The following ANOS1 variants were observed in gnomAD, a reference collection of about 807,000 sequenced individuals.
The protein encoded by ANOS1 is anosmin-1.
In ANOS1, 6 loss-of-function variants were observed where a neutral mutation model predicts 59.0. That is an observed-to-expected ratio of 0.10 (90% CI 0.06 to 0.20). The LOEUF (loss-of-function observed/expected upper bound fraction) is 0.20, where lower values mean the gene tolerates loss of function less well. ANOS1 is among the 10% of genes least tolerant of loss of function. The pLI is 1.00. For missense variants in ANOS1, 433 were observed against 542.3 expected, an observed-to-expected ratio of 0.80 and a Z score of 2.00; for synonymous variants, 217 against 223.4, an observed-to-expected ratio of 0.97 and a Z score of 0.25.
intron 4 of ANOS1, among the ~76,000 whole-genome samples, chrX:8,591,777 G>A (rs1392874343): frequency 8.9e-6 from 1 of 112,260 alleles, no homozygotes; most frequent in African/African-American, 3.2e-5. Flanking sequence ...CTGCCGGGGC[G>A]CACAGTCCTC....
At chrX:8,722,178 T>C (rs1375945420) in intron 1 of ANOS1, among the ~76,000 whole-genome samples, 1 of 112,209 alleles carries the variant, frequency 8.9e-6, no homozygotes, top group Non-Finnish European at 1.9e-5. Context: ...CTGAAATAAA[T>C]GCAACTTATT....
At chrX:8,629,470 T>A (rs1329996432) in intron 2 of ANOS1, among the ~76,000 whole-genome samples, 1 of 111,560 alleles carries the variant, frequency 9.0e-6, no homozygotes, top group Non-Finnish European at 1.9e-5. Flanking sequence ...ATAAAAGATA[T>A]CTGTACACTG....
Position 8,667,855 on chromosome X carries a change from G to A in ANOS1, c.255+31843C>T, listed in dbSNP as rs747239724. On this transcript the variant is annotated intron_variant, in intron 2 of 13. Transcript: ENST00000262648. ...GCTGTGGAGGATTAGGAGAGTGGGG[G>A]AGCTGAGAGCATGAATTGTAGAGCC... is the stretch of plus-strand genomic sequence containing the variant. 7.2e-5 allele frequency among the ~76,000 whole-genome samples: 8 copies of A among 110,606 alleles called. No homozygotes were observed. The Admixed American group carries it at 7.7e-4, about 11-fold the overall frequency.
At chrX:8,593,214 T>G (rs777997853) in intron 4 of ANOS1, among the ~76,000 whole-genome samples, 1 of 111,857 alleles carries the variant, frequency 8.9e-6, no homozygotes, top group Non-Finnish European at 1.9e-5. Context: ...ACAATCTCAG[T>G]AATAAACTAC....
intron 2 of ANOS1, among the ~76,000 whole-genome samples, chrX:8,661,084 G>C (rs1020946461): frequency 4.5e-5 from 5 of 111,554 alleles, no homozygotes; most frequent in Non-Finnish European, 5.7e-5. Flanking sequence ...TGTGGGCAGG[G>C]CTGGTTCCTC....
At chrX:8,582,324 C>A (rs1305462195) in intron 6 of ANOS1, among the ~76,000 whole-genome samples, 1 of 112,318 alleles carries the variant, frequency 8.9e-6, no homozygotes, top group East Asian at 2.8e-4. Flanking sequence ...GGTGAGCCAG[C>A]CAGCCTTTCA....
At chrX:8,693,590 G>A (rs1932638331) in intron 2 of ANOS1, among the ~76,000 whole-genome samples, 1 of 110,924 alleles carries the variant, frequency 9.0e-6, no homozygotes, top group Non-Finnish European at 1.9e-5. Context: ...ATGGAAAAGA[G>A]TTAGAATTGT....
At chrX:8,631,804 C>T (rs1313274229) in intron 2 of ANOS1, among the ~76,000 whole-genome samples, 1 of 111,951 alleles carries the variant, frequency 8.9e-6, no homozygotes, top group Middle Eastern at 4.2e-3. Context: ...CAACCCTATA[C>T]AGCTTCCAGA....
chrX:8,601,747 G>T (rs1353835445), intron 3 of ANOS1, among the ~76,000 whole-genome samples: 1 of 112,353 alleles, frequency 8.9e-6, no homozygotes, highest in South Asian at 3.7e-4. Context: ...AATATTACAT[G>T]AGGTAACACA....
intron 3 of ANOS1, among the ~76,000 whole-genome samples, chrX:8,603,275 T>A (rs1189273174): frequency 8.9e-6 from 1 of 111,990 alleles, no homozygotes; most frequent in Non-Finnish European, 1.9e-5. Context: ...TTGAGGTGCA[T>A]TGGATTAAGT....
intron 13 of ANOS1, among the ~76,000 whole-genome samples, chrX:8,533,350 G>A (rs1470271973): frequency 2.7e-5 from 3 of 112,240 alleles, no homozygotes; most frequent in Non-Finnish European, 1.9e-5. Flanking sequence ...GCTCAAAGAA[G>A]TTTAAAAATT....
intron 2 of ANOS1, among the ~76,000 whole-genome samples, chrX:8,685,016 G>A (rs1220364835): frequency 1.8e-5 from 2 of 110,816 alleles, no homozygotes; most frequent in African/African-American, 6.6e-5. Context: ...TGCTTGCACA[G>A]TTCAGGGGTT....
intron 3 of ANOS1, among the ~76,000 whole-genome samples, chrX:8,612,122 T>C (rs984203050): frequency 1.8e-5 from 2 of 111,818 alleles, no homozygotes; most frequent in African/African-American, 6.5e-5. Flanking sequence ...TGAAACATAC[T>C]GTGTTCCAAA....
At chrX:8,572,141 T>G (rs912743505) in intron 6 of ANOS1, among the ~76,000 whole-genome samples, 2 of 110,588 alleles carry the variant, frequency 1.8e-5, no homozygotes, top group East Asian at 5.7e-4. Flanking sequence ...TTTTTTAAAT[T>G]AACTTTTATT....
chrX:8,708,182 C>A (rs765367081), intron 1 of ANOS1, among the ~76,000 whole-genome samples: 2 of 112,417 alleles, frequency 1.8e-5, no homozygotes, highest in Admixed American at 1.9e-4. Flanking sequence ...TGAGATCACA[C>A]CACTGCATTG....
rs868592262 is a variant in ANOS1 at position 8,685,609 on chromosome X, A to G, written c.255+14089T>C. Among the ~76,000 whole-genome samples the G allele has an allele frequency of 4.7e-4, 38 of 81,049 alleles. No homozygotes were observed. In the East Asian group the frequency reaches 9.8e-3, roughly 21 times the overall value. 70.4% of individuals were successfully genotyped at this position (81,049 alleles called of 115,157 possible). On this transcript the variant is annotated intron_variant, in intron 2 of 13. Transcript: ENST00000262648. The stretch of plus-strand genomic sequence containing the variant: ...AAGAGAAAGAAAGGAAGAAAGAAAG[A>G]AAGAAAGAAAGAAAGAAAGAAAGAA...
chrX:8,541,417 C>T lies in ANOS1; in HGVS notation c.1355-1659G>A, dbSNP rs36010532. Among the ~76,000 whole-genome samples, 18 of 99,096 alleles carry T rather than the reference C, an allele frequency of 1.8e-4. No individual in the cohort carries two copies. In the East Asian group the frequency reaches 2.5e-3, roughly 14 times the overall value. 86.1% of individuals were successfully genotyped at this position (99,096 alleles called of 115,157 possible). ...AAACTCCGTCTCCCACCACCCCCCCCCCAAAAACAAAAAAACAAAAAAATA... is the reference window on the plus strand; with the variant it reads ...AAACTCCGTCTCCCACCACCCCCCCTCCAAAAACAAAAAAACAAAAAAATA... On this transcript the variant is annotated intron_variant, in intron 9 of 13. Transcript: ENST00000262648.
chrX:8,728,342 C>T (rs1236386), intron 1 of ANOS1, among the ~76,000 whole-genome samples: 46,411 of 110,698 alleles, frequency 0.42, 7,136 homozygotes, highest in East Asian at 0.61. Flanking sequence ...AGTAATCTTC[C>T]GGGTAGTGCT....
intron 3 of ANOS1, among the ~76,000 whole-genome samples, chrX:8,610,887 T>C (rs1931044158): frequency 9.0e-6 from 1 of 111,611 alleles, no homozygotes; most frequent in Admixed American, 9.6e-5. Flanking sequence ...TCTGGAAAGA[T>C]ACAGCAAAAT....
Sources: allele counts gnomAD v4.1 joint callset (sites outside exome capture counted in the v4.1 genomes callset), GRCh38; gene constraint gnomAD v4.1.1; transcripts MANE v1.5; gene names NCBI Gene and HGNC (gene_info 2026-07-23, HGNC 2026-07-21).